GNAQ: variants seen among roughly 807,000 people sequenced by gnomAD.
GNAQ encodes guanine nucleotide-binding protein G(q) subunit alpha.
In GNAQ, 8 loss-of-function variants were observed where a neutral mutation model predicts 43.9. That is an observed-to-expected ratio of 0.18 (90% CI 0.11 to 0.33). GNAQ has a LOEUF of 0.33. Among genes scored for constraint, GNAQ ranks in the 10% least tolerant of loss-of-function variants. GNAQ has a pLI of 1.00. For synonymous variants in GNAQ, 155 were observed against 170.7 expected (o/e 0.91, Z 0.71); for missense variants, 158 against 450.8 (o/e 0.35, Z 5.88).
In GNAQ at chr9:77,788,290, C is replaced by T. The variant is rs184885484; in HGVS notation, c.735+6173G>A. Among the ~76,000 whole-genome samples, 34 of 152,002 alleles carry T rather than the reference C, an allele frequency of 2.2e-4. No homozygotes were observed. In the East Asian group the frequency reaches 6.4e-3, roughly 29 times the overall value. The stretch of plus-strand genomic sequence containing the variant: ...TGGCTAAGGAGCATGTGAAACACAG[C>T]AGGGAACAGTCACGTAATAGAGTGA... On this transcript the variant is annotated intron_variant, in intron 5 of 6. Transcript: ENST00000286548.
intron 5 of GNAQ, among the ~76,000 whole-genome samples, chr9:77,769,542 G>T (rs1307790574): frequency 6.6e-6 from 1 of 152,102 alleles, no homozygotes; most frequent in Admixed American, 6.5e-5. Context: ...AGAAGGTGAG[G>T]TAAGAATGCA....
chr9:77,845,917 G>C (rs767544082), intron 2 of GNAQ, among the ~76,000 whole-genome samples: 3 of 152,184 alleles, frequency 2.0e-5, no homozygotes, highest in Non-Finnish European at 4.4e-5. Context: ...TAAAGTGGGA[G>C]TCATGTCACA....
At chr9:77,753,439 A>G in intron 5 of GNAQ, among the ~76,000 whole-genome samples, 1 of 152,226 alleles carries the variant, frequency 6.6e-6, no homozygotes, top group East Asian at 1.9e-4. Flanking sequence ...TTTGTGAAGT[A>G]GTCATGCTTA....
At chr9:77,917,607 A>G (rs1828931968) in intron 2 of GNAQ, among the ~76,000 whole-genome samples, 1 of 152,248 alleles carries the variant, frequency 6.6e-6, no homozygotes, top group Admixed American at 6.5e-5. Context: ...TGACACAGTT[A>G]TCTCACAGTC....
chr9:77,951,361 G>A (rs777186281), intron 1 of GNAQ, among the ~76,000 whole-genome samples: 2 of 152,080 alleles, frequency 1.3e-5, no homozygotes, highest in Non-Finnish European at 2.9e-5. Flanking sequence ...GCCTCCCAAA[G>A]TGCTGGGATT....
chr9:77,945,250 C>CAAAT lies in GNAQ; in HGVS notation c.137-22906_137-22905insATTT, dbSNP rs1398566714. ...TGGCACCTTCACAAAAGAGGTAAAT[C>CAAAT]TATTTGCCAGCTTTGAAAATGTAGC... On this transcript the variant is annotated intron_variant, in intron 1 of 6. Coordinates refer to ENST00000286548, the MANE Select transcript of GNAQ (RefSeq NM_002072.5). Among the ~76,000 whole-genome samples, 3 of 152,246 alleles carry CAAAT rather than the reference C, an allele frequency of 2.0e-5. No individual in the cohort carries two copies. In the East Asian group the frequency reaches 5.8e-4, roughly 29 times the overall value.
intron 5 of GNAQ, among the ~76,000 whole-genome samples, chr9:77,794,092 T>TG (rs1826620006): frequency 6.6e-6 from 1 of 152,096 alleles, no homozygotes; most frequent in African/African-American, 2.4e-5. Flanking sequence ...AAACAATGAT[T>TG]TAAACAAAAT....
At chr9:77,786,204 A>G (rs531782345) in intron 5 of GNAQ, among the ~76,000 whole-genome samples, 1 of 151,812 alleles carries the variant, frequency 6.6e-6, no homozygotes, top group African/African-American at 2.4e-5. Context: ...GGTGAAACCC[A>G]GTCTCTACTA....
intron 1 of GNAQ, among the ~76,000 whole-genome samples, chr9:77,923,714 G>A (rs888503652): frequency 1.3e-5 from 2 of 151,884 alleles, no homozygotes; most frequent in African/African-American, 4.8e-5. Context: ...AACACAGAAT[G>A]TCCCTATCAT....
At chr9:78,011,703 G>A (rs967294345) in intron 1 of GNAQ, among the ~76,000 whole-genome samples, 2 of 152,176 alleles carry the variant, frequency 1.3e-5, no homozygotes, top group African/African-American at 2.4e-5. Flanking sequence ...ACTGGCACTT[G>A]ACATTGATAT....
At chr9:77,800,634 C>T (rs538219645) in intron 3 of GNAQ, among the ~76,000 whole-genome samples, 162 of 152,152 alleles carry the variant, frequency 1.1e-3, no homozygotes, top group African/African-American at 3.4e-3. Flanking sequence ...GTGGGTGCAG[C>T]GCACCAGCAT....
rs371664194 is a variant in GNAQ at position 77,931,362 on chromosome 9, G to A, written c.137-9017C>T. On this transcript the variant is annotated intron_variant, in intron 1 of 6. Transcript: ENST00000286548. ...AATCCCAGCACTTTGGGAGGCCGAG[G>A]CGGGCAGATCACGAGGTCAGGAGAT... Among the ~76,000 whole-genome samples, 6 of 152,130 alleles carry A rather than the reference G, an allele frequency of 3.9e-5. No homozygotes were observed. The East Asian group carries it at 9.7e-4, about 25-fold the overall frequency.
At chr9:77,984,925 A>T (rs1045141951) in intron 1 of GNAQ, among the ~76,000 whole-genome samples, 3 of 152,176 alleles carry the variant, frequency 2.0e-5, no homozygotes, top group Non-Finnish European at 4.4e-5. Context: ...ACAAAATCAA[A>T]ATGGACTACC....
At chr9:77,748,356 T>G (rs2118283467) in intron 5 of GNAQ, among the ~76,000 whole-genome samples, 1 of 152,354 alleles carries the variant, frequency 6.6e-6, no homozygotes, top group African/African-American at 2.4e-5. Context: ...AAAATTACCC[T>G]GGAAAGATGA....
intron 3 of GNAQ, among the ~76,000 whole-genome samples, chr9:77,802,570 C>T (rs993339867): frequency 1.5e-4 from 23 of 151,696 alleles, no homozygotes; most frequent in East Asian, 9.7e-4. Context: ...AAAACCACAC[C>T]GAGGTCTGAA....
intron 1 of GNAQ, 111 bp from the exon 2 acceptor site, chr9:77,922,456 A>T: frequency 2.3e-4 from 152 of 653,264 alleles, no homozygotes; most frequent in East Asian, 6.1e-4. Context: ...GCCTGCTGAG[A>T]GGAGCGACTC....
intron 1 of GNAQ, among the ~76,000 whole-genome samples, chr9:78,004,672 A>C (rs1156915720): frequency 1.3e-5 from 2 of 152,082 alleles, no homozygotes; most frequent in African/African-American, 4.8e-5. Context: ...TATCAAAAAA[A>C]CTCAGACATA....
Position 77,970,656 on chromosome 9 carries a change from T to C in GNAQ, c.137-48311A>G, listed in dbSNP as rs554626027. 4.6e-5 allele frequency among the ~76,000 whole-genome samples: 7 copies of C among 152,238 alleles called. No individual in the cohort carries two copies. In the South Asian group the frequency reaches 1.2e-3, roughly 27 times the overall value. The stretch of plus-strand genomic sequence containing the variant: ...TTAATGCAGTGTGTAGAGGGAAATT[T>C]ATAGCACTAAATGCCCACAAGAGAA... On this transcript the variant is annotated intron_variant, in intron 1 of 6. Transcript: ENST00000286548.
chr9:77,761,564 G>C (rs1289542433), intron 5 of GNAQ, among the ~76,000 whole-genome samples: 4 of 141,804 alleles, frequency 2.8e-5, no homozygotes, highest in Non-Finnish European at 6.2e-5. Context: ...TCAGCCCCCC[G>C]CCCGGCCAGC....
Sources: gnomAD v4.1 joint callset for allele counts (sites outside exome capture counted in the v4.1 genomes callset) on GRCh38, gnomAD v4.1.1 for gene constraint, MANE v1.5 for transcripts, NCBI Gene and HGNC (gene_info 2026-07-23, HGNC 2026-07-21) for gene names.